The following OBSL1 variants were observed in gnomAD, a reference collection of about 807,000 sequenced individuals.
OBSL1 encodes obscurin like cytoskeletal adaptor 1.
A neutral mutation model predicts 172.0 loss-of-function variants in OBSL1; 160 were observed. That is an observed-to-expected ratio of 0.93 (90% CI 0.82 to 1.06). The LOEUF (loss-of-function observed/expected upper bound fraction) is 1.06, where lower values mean the gene tolerates loss of function less well. Ranked by LOEUF, OBSL1 falls within the 50% of genes least tolerant of loss-of-function variation. The pLI is 0.00. For synonymous variants in OBSL1, 1,200 were observed against 1,196.3 expected, an observed-to-expected ratio of 1.00 and a Z score of -0.06; for missense variants, 2,681 against 2,715.4, an observed-to-expected ratio of 0.99 and a Z score of 0.28.
In OBSL1 at chr2:219,570,448, T is replaced by G; in HGVS notation, c.785A>C (p.His262Pro). Residue 262 changes from histidine (H) to proline (P), a missense_variant, in exon 1 of 21, where the codon CAC (histidine) becomes CCC (proline). Transcript: ENST00000404537. The stretch of plus-strand genomic sequence containing the variant: ...CATCACGTAGCAGCGGAACTTGGCG[T>G]GCTTGCCCTCGTTCACCCAGAAGGT... ...PKTFWVNEGK[H>P]AKFRCYVMGK... 1 of 1,613,058 alleles carries G rather than the reference T, an allele frequency of 6.2e-7. No individual in the cohort carries two copies. The highest frequency in any genetic ancestry group is 8.5e-7 in the Non-Finnish European group (1 of 1,179,556).
chr2:219,547,630 C>T, downstream of OBSL1: 1 of 1,515,534 alleles, frequency 6.6e-7, no homozygotes. Flanking sequence ...CGAGCGCGGG[C>T]ATCGCTCTGG....
At position 219,567,587 on chromosome 2, in the gene OBSL1, G is replaced by A. The variant is rs1697005507; in HGVS notation, c.1535-12C>T. 6.2e-7 allele frequency: 1 copy of A among 1,604,308 alleles called. No individual in the cohort carries two copies. Among genetic ancestry groups the A allele is most frequent in the East Asian group, 2.2e-5 (1 of 44,584 alleles). On this transcript the variant is annotated splice_polypyrimidine_tract_variant and intron_variant, in intron 3 of 20. Coordinates refer to ENST00000404537, the MANE Select transcript of OBSL1 (RefSeq NM_015311.3). ...ACTGTGCTTGACACCTGAGACCAAGGCAGGGATGTGTTCCGGCCTTGCTTG... is the reference window on the plus strand; with the variant it reads ...ACTGTGCTTGACACCTGAGACCAAGACAGGGATGTGTTCCGGCCTTGCTTG...
At chr2:219,552,379 A>T in intron 18 of OBSL1, 157 bp downstream of exon 18, 2 of 771,688 alleles carry the variant, frequency 2.6e-6, no homozygotes, top group South Asian at 1.8e-5. Flanking sequence ...GTCCGGGACT[A>T]GGGGCTGGGG....
intron 15 of OBSL1, 117 bp downstream of exon 15, chr2:219,554,357 G>C: frequency 1.6e-6 from 2 of 1,223,462 alleles, no homozygotes; most frequent in South Asian, 2.7e-5. Context: ...GTCAATGAGG[G>C]CCACACTGAG....
rs1697138140 is a variant in OBSL1 at position 219,568,993 on chromosome 2, C to T, written c.1013-669G>A. On this transcript the variant is annotated intron_variant, in intron 1 of 20. Coordinates refer to ENST00000404537, the MANE Select transcript of OBSL1 (RefSeq NM_015311.3). The surrounding 1 kb of genome is among the most constrained non-coding windows in gnomAD (Gnocchi z 4.1). ...CGAACTCCTGACCTCAAATGATCCG[C>T]CCACCTTAGTCTCCCAAAGTGCTGG... Among the ~76,000 whole-genome samples, 1 of 151,866 alleles carries T rather than the reference C, an allele frequency of 6.6e-6. No homozygotes were observed. The highest frequency in any genetic ancestry group is 1.5e-5 in the Non-Finnish European group (1 of 67,952).
At position 219,567,736 on chromosome 2, in the gene OBSL1, T is replaced by C. The variant is rs1406755345; in HGVS notation, c.1516A>G (p.Thr506Ala). The C allele has an allele frequency of 2.5e-6, 4 of 1,611,214 alleles. No individual in the cohort carries two copies. The highest frequency in any genetic ancestry group is 3.4e-6 in the Non-Finnish European group (4 of 1,177,600). Residue 506 changes from threonine (T) to alanine (A), a missense_variant, in exon 3 of 21, where the codon ACG (threonine) becomes GCG (alanine). By Grantham distance (58) the Thr-to-Ala change is moderately conservative (BLOSUM62 0). Around this residue, in one of 5 missense-constraint regions of OBSL1, gnomAD observed 706 missense variants for 695.8 expected, o/e 1.01. Transcript: ENST00000404537. ...CCCTCACATTTTACTCTGAGAAGCG[T>C]AGTGGTACGGGAGTTGCCCAGGCTA... The part of the protein sequence containing the change: ...TFSLGNSRTT[T>A]LLRVKCVKHS...
chr2:219,557,701 A>T, intron 11 of OBSL1, 83 bp from the exon 12 acceptor site: 3 of 1,521,658 alleles, frequency 2.0e-6, no homozygotes, highest in Non-Finnish European at 2.6e-6. Context: ...CGGGGAAGGT[A>T]CTGAGAGAAG....
chr2:219,569,634 TC>T (rs1697192174), intron 1 of OBSL1, among the ~76,000 whole-genome samples: 1 of 152,216 alleles, frequency 6.6e-6, no homozygotes, highest in Non-Finnish European at 1.5e-5. Context: ...TTGTCCTCCC[TC>T]AAGTCTAGCT....
Position 219,563,494 on chromosome 2 carries a change from C to T in OBSL1, c.2541G>A (p.Val847=), listed in dbSNP as rs368328947. 71 of 1,613,968 alleles carry T rather than the reference C, an allele frequency of 4.4e-5. 1 individual carries two copies. The African/African-American group carries it at 6.5e-4, about 15-fold the overall frequency. Residue 847 remains valine (V), a synonymous_variant, in exon 7 of 21, where the codon GTG becomes GTA. Transcript: ENST00000404537. ...PVRWYKDGQE[V]EESDFVVLEN... ...CCAGCACCACGAAGTCACTCTCCTC[C>T]ACCTCCTGCCCGTCCTTGTACCAAC...
At position 219,556,253 on chromosome 2, in the gene OBSL1, C is replaced by T. The variant is rs200827101; in HGVS notation, c.4376G>A (p.Arg1459Gln). 2.3e-4 allele frequency: 373 copies of T among 1,596,218 alleles called. 1 individual carries two copies. The highest frequency in any genetic ancestry group is 3.5e-4 in the Admixed American group (21 of 59,338). ...LLFLRRLQDV[R>Q]AEEGQDVCLE... ...ACACACATCCTGGCCTTCCTCTGCC[C>T]GCACATCCTGCAACCGCCGTAGGAA... is the stretch of plus-strand genomic sequence containing the variant. Residue 1459 changes from arginine to glutamine, a missense_variant, in exon 14 of 21, where the codon CGG (arginine) becomes CAG (glutamine). Arg to Gln is a conservative substitution (Grantham distance 43). This residue lies in a region of OBSL1 where 1,765 missense variants were observed against 1,748.3 expected (regional missense o/e 1.01). Coordinates refer to ENST00000404537, the MANE Select transcript of OBSL1 (RefSeq NM_015311.3).
In OBSL1 at chr2:219,571,017, G is replaced by T; in HGVS notation, c.216C>A (p.Thr72=). ...CCCCCGCGTCGGTGGGCAGTGCGGCGGTCAGCAGCAGGCCGTGCTCCGCGC... is the reference window on the plus strand; with the variant it reads ...CCCCCGCGTCGGTGGGCAGTGCGGCTGTCAGCAGCAGGCCGTGCTCCGCGC... ...ADGAEHGLLL[T]AALPTDAGVY... The change falls in exon 1 of 21, where the codon ACC becomes ACA. Residue 72 remains threonine, a synonymous_variant. Coordinates refer to ENST00000404537, the MANE Select transcript of OBSL1 (RefSeq NM_015311.3). 7.0e-7 allele frequency: 1 copy of T among 1,438,608 alleles called. No homozygotes were observed. The highest frequency in any genetic ancestry group is 9.1e-7 in the Non-Finnish European group (1 of 1,096,828). 89.1% of individuals were successfully genotyped at this position (1,438,608 alleles called of 1,614,324 possible).
rs777059636 is a variant in OBSL1 at position 219,556,606 on chromosome 2, T to C, written c.4184A>G (p.Asn1395Ser). The C allele has an allele frequency of 1.8e-5, 29 of 1,613,782 alleles. No individual in the cohort carries two copies. Among genetic ancestry groups the C allele is most frequent in the Non-Finnish European group, 2.4e-5 (28 of 1,179,884 alleles). Reference sequence around the variant, plus strand: ...GGGCCCTGGAGTGACGACGGCCCCATTGCGCAGCCAGGTGACATCGGCATC... The same window carrying C: ...GGGCCCTGGAGTGACGACGGCCCCACTGCGCAGCCAGGTGACATCGGCATC... ...PPDADVTWLRNGAVVTPGPQV... is the reference protein window; with the variant it reads ...PPDADVTWLRSGAVVTPGPQV... Residue 1395 changes from asparagine to serine, a missense_variant, in exon 13 of 21, where the codon AAT becomes AGT. By Grantham distance (46) the Asn-to-Ser change is conservative. Coordinates refer to ENST00000404537, the MANE Select transcript of OBSL1 (RefSeq NM_015311.3).
At chr2:219,554,966 A>C (rs1162003156) in intron 14 of OBSL1, among the ~76,000 whole-genome samples, 1 of 151,380 alleles carries the variant, frequency 6.6e-6, no homozygotes, top group Non-Finnish European at 1.5e-5. Flanking sequence ...AAGGGGGAGA[A>C]GTGTGGTTAG....
rs764505533 is a variant in OBSL1 at position 219,556,291 on chromosome 2, C to G, written c.4338G>C (p.Glu1446Asp). 1.2e-4 allele frequency: 186 copies of G among 1,578,672 alleles called. No homozygotes were observed. The highest frequency in any genetic ancestry group is 1.5e-4 in the Non-Finnish European group (177 of 1,159,170). ...ACCGCCGTAGGAACAGCAGCTCTGT[C>G]TCTGGTGGGGAAGAAGGAGGCCATG... is the stretch of plus-strand genomic sequence containing the variant. The part of the protein sequence containing the change: ...TATSARLHVR[E>D]TELLFLRRLQ... Residue 1446 changes from glutamate to aspartate, a missense_variant and splice_region_variant, in exon 14 of 21, where the codon GAG (glutamate) becomes GAC (aspartate). Around this residue, in one of 5 missense-constraint regions of OBSL1, gnomAD observed 1,765 missense variants for 1,748.3 expected, o/e 1.01. Coordinates refer to ENST00000404537, the MANE Select transcript of OBSL1 (RefSeq NM_015311.3).
downstream of OBSL1, chr2:219,550,639 C>T: frequency 1.5e-6 from 1 of 651,580 alleles, no homozygotes; most frequent in Non-Finnish European, 2.6e-6. Flanking sequence ...CAGGTACAAG[C>T]ACTACAGCCC....
chr2:219,557,936 G>A lies in OBSL1; in HGVS notation c.3677C>T (p.Pro1226Leu), dbSNP rs778594059. Residue 1226 changes from proline (P) to leucine (L), a missense_variant, in exon 11 of 21, where the codon CCC (proline) becomes CTC (leucine). By Grantham distance (98) the Pro-to-Leu change is moderately conservative. Around this residue, in one of 5 missense-constraint regions of OBSL1, gnomAD observed 1,765 missense variants for 1,748.3 expected, o/e 1.01. Coordinates refer to ENST00000404537, the MANE Select transcript of OBSL1 (RefSeq NM_015311.3). Reference sequence around the variant, plus strand: ...AGCCTGGATGCAGAGGACTCGGCGGGGGCCCTCGGCATGGAGCTCTAGGCC... The same window carrying A: ...AGCCTGGATGCAGAGGACTCGGCGGAGGCCCTCGGCATGGAGCTCTAGGCC... ...GEGLELHAEG[P>L]RRVLCIQAAG... The A allele has an allele frequency of 6.9e-6, 11 of 1,605,728 alleles. No homozygotes were observed. The highest frequency in any genetic ancestry group is 1.6e-4 in the Middle Eastern group (1 of 6,068).
Position 219,556,229 on chromosome 2 carries a change from C to T in OBSL1, c.4400G>A (p.Cys1467Tyr), listed in dbSNP as rs755629202. 19 of 1,608,146 alleles carry T rather than the reference C, an allele frequency of 1.2e-5. No homozygotes were observed. The East Asian group carries it at 1.3e-4, about 11-fold the overall frequency. The change falls in exon 14 of 21, where the codon TGT becomes TAT. Residue 1467 changes from cysteine (C) to tyrosine (Y), a missense_variant. Transcript: ENST00000404537. The stretch of plus-strand genomic sequence containing the variant: ...CACTCGGCCTGTCTCCACTTCGAGA[C>T]ACACATCCTGGCCTTCCTCTGCCCG... ...DVRAEEGQDV[C>Y]LEVETGRVGA... is the part of the protein sequence containing the mutation.
rs75063691 is a variant in OBSL1, at chr2:219,568,692, C to G, written c.1013-368G>C. Among the ~76,000 whole-genome samples the G allele has an allele frequency of 1.3e-5, 2 of 152,104 alleles. No homozygotes were observed. The highest frequency in any genetic ancestry group is 6.5e-5 in the Admixed American group (1 of 15,270). ...TTCCAAACTGTTCCCTGGCTCCCCC[C>G]GCCCCAGTCATTTCACATATTCTGC... is the stretch of plus-strand genomic sequence containing the variant. On this transcript the variant is annotated intron_variant, in intron 1 of 20. Transcript: ENST00000404537. The surrounding 1 kb of genome is among the most constrained non-coding windows in gnomAD (Gnocchi z 4.1).
downstream of OBSL1, chr2:219,550,541 C>A: frequency 2.2e-6 from 1 of 456,692 alleles, no homozygotes; most frequent in Non-Finnish European, 4.0e-6. Context: ...TCCCCCACCC[C>A]ACTCTGTTTT....
Sources: allele counts gnomAD v4.1 joint callset (sites outside exome capture counted in the v4.1 genomes callset), GRCh38; gene constraint gnomAD v4.1.1; regional missense constraint gnomAD v4.1.1; non-coding constraint Gnocchi (gnomAD v3.1); transcripts MANE v1.5; gene names NCBI Gene and HGNC (gene_info 2026-07-23, HGNC 2026-07-21).